CFAP47: variants seen among roughly 807,000 people sequenced by gnomAD.
CFAP47 encodes cilia and flagella associated protein 47, also known as cilia- and flagella-associated protein 47.
CFAP47 carries 29 observed loss-of-function variants against 148.1 expected under a neutral mutation model. That is an observed-to-expected ratio of 0.20 (90% CI 0.15 to 0.27). CFAP47 has a LOEUF of 0.27. Ranked by LOEUF, CFAP47 falls within the 10% of genes least tolerant of loss-of-function variation. CFAP47 has a pLI of 1.00. For synonymous variants in CFAP47, 664 were observed against 577.3 expected, an observed-to-expected ratio of 1.15 and a Z score of -2.15; for missense variants, 1,872 against 1,697.5, an observed-to-expected ratio of 1.10 and a Z score of -1.81.
intron 53 of CFAP47, 135 bp downstream of exon 53, chrX:36,301,314 G>A (rs1435515681): frequency 2.2e-5 from 9 of 411,838 alleles, no homozygotes; most frequent in East Asian, 4.6e-5. Flanking sequence ...TTCCCCTAGG[G>A]AAGGTTTGAT....
chrX:36,338,944 A>G (rs1376678481), intron 57 of CFAP47, among the ~76,000 whole-genome samples: 1 of 112,007 alleles, frequency 8.9e-6, no homozygotes, highest in African/African-American at 3.2e-5. Context: ...ACGTAACACC[A>G]TAAGTGCTAT....
At position 35,924,498 on chromosome X, in the gene CFAP47, TATATAG is replaced by T. The variant is rs1569202253; in HGVS notation, c.250-1518_250-1513del. 1.3e-3 allele frequency among the ~76,000 whole-genome samples: 139 copies of T among 104,793 alleles called. 1 individual carries two copies. The highest frequency in any genetic ancestry group is 5.0e-3 in the African/African-American group (139 of 27,989). 91.0% of individuals were successfully genotyped at this position (104,793 alleles called of 115,157 possible). ...GTGTATATATGTGCACCTATATGTG[TATATAG>T]GTGCACATATATGTGTATATATGCA... On this transcript the variant is annotated intron_variant, in intron 1 of 63. Transcript: ENST00000378653.
intron 11 of CFAP47, among the ~76,000 whole-genome samples, chrX:35,971,172 G>A (rs1936485218): frequency 8.9e-6 from 1 of 112,173 alleles, no homozygotes. Context: ...ATGATTTATG[G>A]AGTGTGTGCT....
At chrX:36,064,422 A>G (rs183056135) in intron 26 of CFAP47, among the ~76,000 whole-genome samples, 19 of 112,251 alleles carry the variant, frequency 1.7e-4, no homozygotes, top group Admixed American at 5.7e-4. Context: ...GTTAATATCA[A>G]TGTTTATATC....
intron 3 of CFAP47, among the ~76,000 whole-genome samples, chrX:35,944,280 A>AT (rs958726725): frequency 2.7e-5 from 3 of 110,098 alleles, no homozygotes; most frequent in South Asian, 3.8e-4. Flanking sequence ...CTTGTCTTCA[A>AT]TTTTTTTTTG....
In CFAP47 at chrX:36,297,363, A is replaced by G. The variant is rs782454183; in HGVS notation, c.7687-1614A>G. Among the ~76,000 whole-genome samples the G allele has an allele frequency of 2.7e-5, 3 of 112,264 alleles. 1 individual carries two copies. In the South Asian group the frequency reaches 1.1e-3, roughly 41 times the overall value. The stretch of plus-strand genomic sequence containing the variant: ...AAGAATTTTTTGTCACCCCTGTAAC[A>G]TGATTTGATAAATTTCATAACAGCT... On this transcript the variant is annotated intron_variant, in intron 51 of 63. Transcript: ENST00000378653.
intron 54 of CFAP47, among the ~76,000 whole-genome samples, chrX:36,305,067 T>G (rs1279970258): frequency 8.9e-6 from 1 of 112,429 alleles, no homozygotes; most frequent in Admixed American, 9.5e-5. Flanking sequence ...ATCTACACTT[T>G]GATTTCTTTA....
intron 39 of CFAP47, among the ~76,000 whole-genome samples, chrX:36,161,532 A>T (rs1183122885): frequency 3.6e-5 from 4 of 111,820 alleles, no homozygotes; most frequent in African/African-American, 1.3e-4. Context: ...TATTTGTGAT[A>T]AAAAGACAAT....
intron 45 of CFAP47, among the ~76,000 whole-genome samples, chrX:36,226,605 T>A (rs1204643215): frequency 1.8e-5 from 2 of 111,712 alleles, no homozygotes; most frequent in Admixed American, 9.6e-5. Flanking sequence ...CAAATTCCAC[T>A]ATTATAATGA....
chrX:36,297,194 T>C (rs1556007009), intron 51 of CFAP47, among the ~76,000 whole-genome samples: 1 of 111,925 alleles, frequency 8.9e-6, no homozygotes, highest in Non-Finnish European at 1.9e-5. Context: ...CTAAATGTTG[T>C]TTCCATTCCT....
At chrX:36,211,624 C>CAA in intron 45 of CFAP47, 1 of 192,730 alleles carries the variant, frequency 5.2e-6, no homozygotes, top group Non-Finnish European at 9.8e-6. Flanking sequence ...CCTGATGCAG[C>CAA]AAAAAAAAGG....
At chrX:36,290,229 T>G (rs1941180821) in intron 51 of CFAP47, among the ~76,000 whole-genome samples, 1 of 111,957 alleles carries the variant, frequency 8.9e-6, no homozygotes, top group Non-Finnish European at 1.9e-5. Context: ...AAACAAAGCT[T>G]TTCAGGAAAT....
At chrX:36,266,505 C>T (rs192393023) in intron 49 of CFAP47, among the ~76,000 whole-genome samples, 135 of 110,550 alleles carry the variant, frequency 1.2e-3, no homozygotes, top group Non-Finnish European at 1.6e-3. Context: ...GAAAGTACTT[C>T]GGTGGGACAG....
At chrX:36,090,272 G>A (rs914647872) in intron 30 of CFAP47, among the ~76,000 whole-genome samples, 2 of 111,749 alleles carry the variant, frequency 1.8e-5, no homozygotes, top group African/African-American at 3.2e-5. Context: ...AAACCTGAAT[G>A]CATTTTTTTC....
intron 22 of CFAP47, among the ~76,000 whole-genome samples, chrX:36,025,502 G>A (rs1937205822): frequency 9.1e-6 from 1 of 110,294 alleles, no homozygotes; most frequent in African/African-American, 3.3e-5. Flanking sequence ...GTAGTTGAAT[G>A]TGGTGACGCA....
Position 35,975,278 on chromosome X carries a change from A to T in CFAP47, c.2386A>T (p.Asn796Tyr), listed in dbSNP as rs750524794. 8.3e-7 allele frequency: 1 copy of T among 1,207,307 alleles called. No individual in the cohort carries two copies. Among genetic ancestry groups the T allele is most frequent in the Non-Finnish European group, 1.1e-6 (1 of 891,823 alleles). ...TGATTTAGAAGAACTTCAGAAGACC[A>T]ACCAATTTTCATACGTGATTCTACC... Reference protein sequence around the residue: ...DTDLEELQKTNQFSYVILPTS... With the variant: ...DTDLEELQKTYQFSYVILPTS... The change falls in exon 14 of 64, where the codon AAC (asparagine) becomes TAC (tyrosine). Residue 796 changes from asparagine (N) to tyrosine (Y), a missense_variant. By Grantham distance (143) the Asn-to-Tyr change is moderately radical. Coordinates refer to ENST00000378653, the MANE Select transcript of CFAP47 (RefSeq NM_001304548.2).
intron 1 of CFAP47, among the ~76,000 whole-genome samples, chrX:35,920,436 GA>G (rs1309259890): frequency 1.8e-5 from 2 of 111,472 alleles, no homozygotes; most frequent in Non-Finnish European, 3.8e-5. Context: ...ATAACTCCAG[GA>G]ACTGTAGGAT....
At chrX:35,952,071 G>T in intron 6 of CFAP47, 108 bp downstream of exon 6, 1 of 811,460 alleles carries the variant, frequency 1.2e-6, no homozygotes, top group Non-Finnish European at 1.6e-6. Flanking sequence ...TTGCCAGAAG[G>T]CACAAGTCAG....
intron 45 of CFAP47, among the ~76,000 whole-genome samples, chrX:36,212,300 A>G (rs1466689672): frequency 8.9e-6 from 1 of 111,969 alleles, no homozygotes; most frequent in East Asian, 2.8e-4. Context: ...TCTAATTACT[A>G]TTGCTTTGTA....
Sources: gnomAD v4.1 joint callset for allele counts (sites outside exome capture counted in the v4.1 genomes callset) on GRCh38, gnomAD v4.1.1 for gene constraint, MANE v1.5 for transcripts, NCBI Gene and HGNC (gene_info 2026-07-23, HGNC 2026-07-21) for gene names.